Variants in CD247 observed in about 807,000 individuals in gnomAD.
The protein encoded by CD247 is CD247 molecule.
A neutral mutation model predicts 30.0 loss-of-function variants in CD247; 13 were observed. That is an observed-to-expected ratio of 0.43 (90% CI 0.28 to 0.69). The LOEUF (loss-of-function observed/expected upper bound fraction) is 0.69, where lower values mean the gene tolerates loss of function less well. Among genes scored for constraint, CD247 ranks in the 30% least tolerant of loss-of-function variants. CD247 has a pLI of 0.16. For synonymous variants in CD247, 72 were observed against 80.0 expected (o/e 0.90, Z 0.53); for missense variants, 193 against 212.6 (o/e 0.91, Z 0.57).
chr1:167,439,045 C>G (rs942112307), intron 3 of CD247, among the ~76,000 whole-genome samples: 1 of 152,196 alleles, frequency 6.6e-6, no homozygotes, highest in Non-Finnish European at 1.5e-5. Flanking sequence ...TCTCCACCCC[C>G]CTCTAGCCTT....
At chr1:167,460,513 A>G (rs1354961891) in intron 1 of CD247, among the ~76,000 whole-genome samples, 3 of 152,194 alleles carry the variant, frequency 2.0e-5, no homozygotes, top group Non-Finnish European at 4.4e-5. Flanking sequence ...GTGTGCCAAA[A>G]TGTGCAGAAA....
rs77162673 is a variant in CD247 at position 167,496,168 on chromosome 1, G to A, written c.58+22240C>T. On this transcript the variant is annotated intron_variant, in intron 1 of 7. Coordinates refer to ENST00000362089, the MANE Select transcript of CD247 (RefSeq NM_198053.3). ...ATAGCATTAGTAGTGGTGTTTGTGTGTTTGTTCATTTTGTATGGCAAGAAT... is the reference window on the plus strand; with the variant it reads ...ATAGCATTAGTAGTGGTGTTTGTGTATTTGTTCATTTTGTATGGCAAGAAT... Among the ~76,000 whole-genome samples the A allele has an allele frequency of 2.7e-3, 418 of 152,318 alleles. 2 individuals carry two copies. Among genetic ancestry groups the A allele is most frequent in the African/African-American group, 9.5e-3 (393 of 41,564 alleles).
chr1:167,452,802 C>G (rs1571531189), intron 1 of CD247, among the ~76,000 whole-genome samples: 1 of 151,992 alleles, frequency 6.6e-6, no homozygotes, highest in African/African-American at 2.4e-5. Flanking sequence ...TCCGCTCATT[C>G]CACCAAGAGC....
At chr1:167,505,404 A>C (rs1429572774) in intron 1 of CD247, among the ~76,000 whole-genome samples, 2 of 152,192 alleles carry the variant, frequency 1.3e-5, no homozygotes, top group Non-Finnish European at 2.9e-5. Flanking sequence ...GACTAAAAGC[A>C]CTCTGGCTAA....
chr1:167,434,760 A>C, intron 5 of CD247: 1 of 454,518 alleles, frequency 2.2e-6, no homozygotes, highest in South Asian at 1.6e-5. Context: ...GAGGGAAGGG[A>C]GATTACTCGG....
chr1:167,518,454 C>G lies in CD247; in HGVS notation c.12G>C (p.Lys4Asn), dbSNP rs1480838988. MKW[K>N]ALFTAAILQA... ...GCAGGATGGCCGCGGTGAAAAGCGC[C>G]TTCCACTTCATCTTGTCCTTTCCCT... Residue 4 changes from lysine to asparagine, a missense_variant, in exon 1 of 8, where the codon AAG (lysine) becomes AAC (asparagine). Physicochemically the swap from Lys to Asn is moderately conservative, Grantham distance 94. Transcript: ENST00000362089. 6.2e-7 allele frequency: 1 copy of G among 1,614,176 alleles called. No individual in the cohort carries two copies. The highest frequency in any genetic ancestry group is 2.2e-5 in the East Asian group (1 of 44,886).
chr1:167,508,999 CAT>C (rs1655267774), intron 1 of CD247, among the ~76,000 whole-genome samples: 1 of 152,134 alleles, frequency 6.6e-6, no homozygotes. Context: ...ATTTGGGGCA[CAT>C]GAGAGGTGCT....
chr1:167,439,290 C>G, intron 3 of CD247, 54 bp downstream of exon 3: 1 of 1,539,334 alleles, frequency 6.5e-7, no homozygotes, highest in South Asian at 1.1e-5. Context: ...TTCCCTAGGT[C>G]CGAGGAGGAG....
chr1:167,451,047 A>G (rs2988280), intron 1 of CD247, among the ~76,000 whole-genome samples: 151,840 of 152,204 alleles, frequency 1, 75,740 homozygotes, highest in Middle Eastern at 1. Context: ...CAGATCTGTC[A>G]GGGAAGGGCA....
chr1:167,436,324 AAGGCCACAT>A (rs1166893761), intron 4 of CD247, among the ~76,000 whole-genome samples: 8 of 152,234 alleles, frequency 5.3e-5, no homozygotes, highest in Non-Finnish European at 1.2e-4. Flanking sequence ...CCACACAATA[AAGGCCACAT>A]ATGACCAATC....
At chr1:167,437,397 C>T (rs553968947) in intron 4 of CD247, among the ~76,000 whole-genome samples, 10 of 116,588 alleles carry the variant, frequency 8.6e-5, no homozygotes, top group East Asian at 4.7e-4. Context: ...AAAAGCTAAA[C>T]GCTGTCTCAA....
intron 1 of CD247, among the ~76,000 whole-genome samples, chr1:167,472,576 C>A (rs979228822): frequency 6.6e-6 from 1 of 151,588 alleles, no homozygotes; most frequent in Non-Finnish European, 1.5e-5. Context: ...AACAACGAAG[C>A]GAAGAATTCT....
intron 1 of CD247, among the ~76,000 whole-genome samples, chr1:167,447,567 T>C (rs561867875): frequency 1.3e-4 from 20 of 152,162 alleles, no homozygotes; most frequent in Non-Finnish European, 2.8e-4. Flanking sequence ...GTCCAGCTTG[T>C]TTCCACTTTG....
intron 1 of CD247, among the ~76,000 whole-genome samples, chr1:167,498,152 G>T (rs1654772314): frequency 6.6e-6 from 1 of 152,308 alleles, no homozygotes; most frequent in South Asian, 2.1e-4. Context: ...TTCTGTTGCT[G>T]CTCCCGTCAA....
intron 1 of CD247, among the ~76,000 whole-genome samples, chr1:167,449,504 G>A: frequency 6.6e-6 from 1 of 152,024 alleles, no homozygotes; most frequent in South Asian, 2.1e-4. Flanking sequence ...TAATATAAAA[G>A]TGCAGAAAAG....
chr1:167,451,840 C>T (rs1652363688), intron 1 of CD247, among the ~76,000 whole-genome samples: 1 of 152,238 alleles, frequency 6.6e-6, no homozygotes, highest in Admixed American at 6.5e-5. Context: ...GGCGAGGTGG[C>T]TCACGCCTGT....
intron 4 of CD247, among the ~76,000 whole-genome samples, chr1:167,436,582 T>C (rs1052654806): frequency 2.0e-5 from 3 of 152,192 alleles, no homozygotes; most frequent in African/African-American, 7.2e-5. Context: ...TTGGACCTTA[T>C]CTCACACCGT....
intron 1 of CD247, among the ~76,000 whole-genome samples, chr1:167,446,530 G>A (rs891005265): frequency 2.0e-5 from 3 of 152,312 alleles, no homozygotes; most frequent in Non-Finnish European, 4.4e-5. Context: ...AGTTTGTGGG[G>A]TGCCCTGCAC....
At chr1:167,458,857 C>G (rs1251407201) in intron 1 of CD247, among the ~76,000 whole-genome samples, 2 of 151,646 alleles carry the variant, frequency 1.3e-5, no homozygotes, top group African/African-American at 4.8e-5. Context: ...AGCAATGGCT[C>G]ACGCCTGTAA....
Sources: allele counts gnomAD v4.1 joint callset (sites outside exome capture counted in the v4.1 genomes callset), GRCh38; gene constraint gnomAD v4.1.1; transcripts MANE v1.5; gene names NCBI Gene and HGNC (gene_info 2026-07-23, HGNC 2026-07-21).